Variants in CLHC1 observed in about 807,000 individuals in gnomAD.
CLHC1 encodes clathrin heavy chain linker domain containing 1.
A neutral mutation model predicts 69.5 loss-of-function variants in CLHC1; 72 were observed. The observed-to-expected ratio is 1.04, with a 90% CI of 0.86 to 1.26. The LOEUF (loss-of-function observed/expected upper bound fraction) is 1.26. Among genes scored for constraint, CLHC1 ranks in the 50% most tolerant of loss-of-function variants. CLHC1 has a pLI of 0.00. For missense variants in CLHC1, 790 were observed against 679.3 expected (o/e 1.16, Z -1.81); for synonymous variants, 223 against 224.3 (o/e 0.99, Z 0.05).
intron 9 of CLHC1, among the ~76,000 whole-genome samples, chr2:55,194,770 T>G (rs1671241383): frequency 6.6e-6 from 1 of 152,208 alleles, no homozygotes. Context: ...TATATCTGTA[T>G]ATATTTAAGG....
At chr2:55,218,080 G>T in intron 3 of CLHC1, 82 bp from the exon 4 acceptor site, 1 of 671,546 alleles carries the variant, frequency 1.5e-6, no homozygotes, top group Non-Finnish European at 2.3e-6. Context: ...TAACATTATA[G>T]ATTATTTTAA....
chr2:55,202,335 C>T (rs1023249974), intron 9 of CLHC1, among the ~76,000 whole-genome samples: 1 of 150,824 alleles, frequency 6.6e-6, no homozygotes, highest in Non-Finnish European at 1.5e-5. Context: ...GTGTGCGGAT[C>T]ACCTGAGGTC....
intron 3 of CLHC1, among the ~76,000 whole-genome samples, chr2:55,221,213 G>A (rs1304936062): frequency 1.3e-5 from 2 of 152,136 alleles, no homozygotes; most frequent in African/African-American, 4.8e-5. Context: ...AGTACTTCCT[G>A]TGGCAAAGAG....
chr2:55,223,341 G>A (rs1180116899), intron 2 of CLHC1, among the ~76,000 whole-genome samples: 1 of 152,178 alleles, frequency 6.6e-6, no homozygotes, highest in Non-Finnish European at 1.5e-5. Context: ...CCTCAATGAT[G>A]TCAAAAGTAA....
intron 2 of CLHC1, among the ~76,000 whole-genome samples, chr2:55,227,031 CAT>C (rs1286834226): frequency 3.9e-5 from 6 of 152,154 alleles, no homozygotes; most frequent in African/African-American, 1.4e-4. Context: ...ATGTGAATAA[CAT>C]ATACAGCCTG....
chr2:55,221,629 G>A, intron 3 of CLHC1, among the ~76,000 whole-genome samples: 1 of 152,290 alleles, frequency 6.6e-6, no homozygotes. Flanking sequence ...ACTTTTAGAT[G>A]AAAAGGTGAA....
intron 4 of CLHC1, chr2:55,214,637 T>C (rs999555463): frequency 2.0e-5 from 3 of 152,244 alleles, no homozygotes; most frequent in African/African-American, 7.2e-5. Context: ...TATGAAAGGA[T>C]TGTGGAAATA....
At chr2:55,188,699 A>C (rs1009967860) in intron 9 of CLHC1, among the ~76,000 whole-genome samples, 1 of 152,146 alleles carries the variant, frequency 6.6e-6, no homozygotes, top group Non-Finnish European at 1.5e-5. Context: ...ATGTCAATCC[A>C]CCGCAGAACA....
intron 4 of CLHC1, 117 bp downstream of exon 4, chr2:55,217,694 C>A (rs1181862421): frequency 2.0e-5 from 11 of 553,218 alleles, no homozygotes; most frequent in Non-Finnish European, 3.0e-5. Flanking sequence ...AAAAATGCAT[C>A]ATTTAAATAA....
intron 11 of CLHC1, among the ~76,000 whole-genome samples, chr2:55,178,103 T>C (rs1669578425): frequency 6.6e-6 from 1 of 152,172 alleles, no homozygotes; most frequent in African/African-American, 2.4e-5. Flanking sequence ...CATAGCTCCA[T>C]CAGTCACTTA....
intron 9 of CLHC1, among the ~76,000 whole-genome samples, chr2:55,184,856 G>T (rs1161450569): frequency 6.6e-6 from 1 of 150,872 alleles, no homozygotes; most frequent in African/African-American, 2.4e-5. Context: ...AGTGAGCTGA[G>T]ATCGTGCCAC....
chr2:55,227,705 A>G (rs1335593946), intron 2 of CLHC1, among the ~76,000 whole-genome samples: 2 of 151,942 alleles, frequency 1.3e-5, no homozygotes, highest in Non-Finnish European at 2.9e-5. Flanking sequence ...AAAAGATAAA[A>G]GTCAAAAGAG....
intron 9 of CLHC1, chr2:55,205,714 G>T (rs551938753): frequency 2.9e-4 from 44 of 152,396 alleles, no homozygotes; most frequent in African/African-American, 9.4e-4. Context: ...GCCAACATGG[G>T]AAACCCTGTC....
chr2:55,222,506 A>G lies in CLHC1; in HGVS notation c.-82-13T>C. ...AACTTTGATAAGCCTGAAAGAAAAAAAGAGCATCAATTAATATAATAATTT... is the reference window on the plus strand; with the variant it reads ...AACTTTGATAAGCCTGAAAGAAAAAGAGAGCATCAATTAATATAATAATTT... On this transcript the variant is annotated splice_polypyrimidine_tract_variant and intron_variant, in intron 2 of 12. Transcript: ENST00000401408. The G allele has an allele frequency of 1.2e-6, 1 of 838,724 alleles. No individual in the cohort carries two copies. Among genetic ancestry groups the G allele is most frequent in the Non-Finnish European group, 1.9e-6 (1 of 538,466 alleles). The allele number at this position is 838,724 out of a possible 1,614,324, so 52.0% of individuals were successfully genotyped here.
chr2:55,212,492 C>T (rs762007646), intron 5 of CLHC1, among the ~76,000 whole-genome samples, 181 bp downstream of exon 5: 1 of 152,188 alleles, frequency 6.6e-6, no homozygotes, highest in Non-Finnish European at 1.5e-5. Context: ...GAAACTCAAT[C>T]TTTTAGAGTT....
In CLHC1 at chr2:55,174,666, C is replaced by A. The variant is rs964612559; in HGVS notation, c.*1124G>T. On this transcript the variant is annotated 3_prime_UTR_variant, in exon 13 of 13. Coordinates refer to ENST00000401408, the MANE Select transcript of CLHC1 (RefSeq NM_152385.4). Reference sequence around the variant, plus strand: ...AGCTGTCTGACTCCCCGTTCATCTTCTTTCCACTATAACATAAAAATACAT... The same window carrying A: ...AGCTGTCTGACTCCCCGTTCATCTTATTTCCACTATAACATAAAAATACAT... 1.2e-4 allele frequency: 19 copies of A among 152,194 alleles called. 1 individual carries two copies. Among genetic ancestry groups the A allele is most frequent in the African/African-American group, 4.6e-4 (19 of 41,458 alleles). The allele number at this position is 152,194 out of a possible 1,614,324, so 9.4% of individuals were successfully genotyped here. A position where few individuals can be genotyped will look rare whatever the true frequency, so the allele number is the denominator to read the frequency against.
At chr2:55,188,494 C>G (rs963925392) in intron 9 of CLHC1, among the ~76,000 whole-genome samples, 1 of 152,030 alleles carries the variant, frequency 6.6e-6, no homozygotes, top group Non-Finnish European at 1.5e-5. Context: ...GCATACGTTA[C>G]CATTGGGAAT....
At chr2:55,224,622 C>T (rs945304468) in intron 2 of CLHC1, 20 of 254,418 alleles carry the variant, frequency 7.9e-5, no homozygotes, top group Admixed American at 1.5e-4. Flanking sequence ...GGAGGAACCC[C>T]CGCAGTGCGG....
intron 9 of CLHC1, among the ~76,000 whole-genome samples, chr2:55,205,543 G>C (rs939280904): frequency 2.0e-5 from 3 of 152,130 alleles, no homozygotes; most frequent in Non-Finnish European, 2.9e-5. Flanking sequence ...GAGGGATACT[G>C]AGGGGCATGA....
Sources: gnomAD v4.1 joint callset for allele counts (sites outside exome capture counted in the v4.1 genomes callset) on GRCh38, gnomAD v4.1.1 for gene constraint, MANE v1.5 for transcripts, NCBI Gene and HGNC (gene_info 2026-07-23, HGNC 2026-07-21) for gene names.